The following RORA variants were observed in gnomAD, a reference collection of about 807,000 sequenced individuals.
The protein encoded by RORA is nuclear receptor ROR-alpha.
In RORA, 7 loss-of-function variants were observed where a neutral mutation model predicts 69.5. The observed-to-expected ratio is 0.10, with a 90% CI of 0.06 to 0.19. The LOEUF (loss-of-function observed/expected upper bound fraction) is 0.19, where lower values mean the gene tolerates loss of function less well. Among genes scored for constraint, RORA ranks in the 10% least tolerant of loss-of-function variants. The probability of loss-of-function intolerance (pLI) is 1.00; values close to 1 mark genes in which losing one functional copy is unlikely to be tolerated. For missense variants in RORA, 457 were observed against 663.0 expected (o/e 0.69, Z 3.41); for synonymous variants, 261 against 240.8 (o/e 1.08, Z -0.78).
intron 2 of RORA, among the ~76,000 whole-genome samples, chr15:60,571,191 C>T (rs2067870476): frequency 1.3e-5 from 2 of 151,814 alleles, no homozygotes. Flanking sequence ...GATGTGCCTC[C>T]CACAGGAGAC....
intron 1 of RORA, among the ~76,000 whole-genome samples, chr15:61,091,589 A>G (rs1472814497): frequency 1.3e-5 from 2 of 152,148 alleles, no homozygotes; most frequent in Non-Finnish European, 2.9e-5. Context: ...GGACTAGATA[A>G]ATTATTCCAC....
intron 2 of RORA, among the ~76,000 whole-genome samples, chr15:60,584,625 A>C (rs1247497862): frequency 6.6e-6 from 1 of 152,242 alleles, no homozygotes; most frequent in Non-Finnish European, 1.5e-5. Context: ...TACCTGAATT[A>C]CCTAGCACAC....
chr15:60,671,864 G>A (rs1274802740), intron 2 of RORA, among the ~76,000 whole-genome samples: 2 of 151,608 alleles, frequency 1.3e-5, no homozygotes, highest in South Asian at 2.1e-4. Flanking sequence ...TGCCTGCCTC[G>A]GCCTCCCAAA....
At chr15:60,560,063 G>T (rs2067485779) in intron 2 of RORA, among the ~76,000 whole-genome samples, 2 of 151,796 alleles carry the variant, frequency 1.3e-5, no homozygotes, top group South Asian at 4.2e-4. Flanking sequence ...ACCAATCATT[G>T]TAGCCCATAC....
At chr15:61,178,809 T>C (rs1323113977) in intron 1 of RORA, among the ~76,000 whole-genome samples, 1 of 152,128 alleles carries the variant, frequency 6.6e-6, no homozygotes, top group Non-Finnish European at 1.5e-5. Context: ...GAGACAACTG[T>C]TAAATGGAAA....
chr15:61,188,471 C>G (rs144052161), intron 1 of RORA, among the ~76,000 whole-genome samples: 46 of 152,246 alleles, frequency 3.0e-4, no homozygotes, highest in African/African-American at 1.1e-3. Context: ...TTCTGCAAAA[C>G]TGGAGGGAAT....
intron 1 of RORA, among the ~76,000 whole-genome samples, chr15:61,192,666 A>G (rs2079811422): frequency 6.6e-6 from 1 of 152,224 alleles, no homozygotes; most frequent in South Asian, 2.1e-4. Context: ...GCAATGAATA[A>G]TGATTTATGG....
intron 2 of RORA, among the ~76,000 whole-genome samples, chr15:60,668,245 G>A (rs1365879845): frequency 6.6e-6 from 1 of 152,150 alleles, no homozygotes; most frequent in African/African-American, 2.4e-5. Flanking sequence ...AATGTTTGAA[G>A]CGACATAATC....
At position 60,561,174 on chromosome 15, in the gene RORA, C is replaced by T. The variant is rs933713917; in HGVS notation, c.197-29323G>A. On this transcript the variant is annotated intron_variant, in intron 2 of 10. Coordinates refer to ENST00000335670, the MANE Select transcript of RORA (RefSeq NM_134261.3). ...TCGGCTCACTGCAAGCGCCGCCTCC[C>T]GGGTTCACGCCATTCTCCTGCCTCA... Among the ~76,000 whole-genome samples, 18 of 151,324 alleles carry T rather than the reference C, an allele frequency of 1.2e-4. No individual in the cohort carries two copies. The South Asian group carries it at 1.3e-3, about 11-fold the overall frequency.
intron 2 of RORA, among the ~76,000 whole-genome samples, chr15:60,584,899 C>A (rs2068288081): frequency 6.6e-6 from 1 of 152,188 alleles, no homozygotes; most frequent in South Asian, 2.1e-4. Context: ...CACTTCTGAA[C>A]CACTGCCTTA....
intron 1 of RORA, among the ~76,000 whole-genome samples, chr15:60,943,914 T>C (rs1305208002): frequency 1.0e-3 from 6 of 5,850 alleles, no homozygotes; most frequent in Non-Finnish European, 3.5e-3. Flanking sequence ...AGACTCCATC[T>C]CCAAAAAAAA....
intron 1 of RORA, among the ~76,000 whole-genome samples, chr15:61,097,119 G>C (rs768236861): frequency 8.5e-5 from 13 of 152,182 alleles, no homozygotes; most frequent in Non-Finnish European, 1.9e-4. Context: ...CAAACAAGAG[G>C]GGGAGTGTTT....
chr15:61,061,291 T>C lies in RORA; in HGVS notation c.166+167762A>G, dbSNP rs2078180250. ...TGGCATGAGCTCGGGAGGCAGAGCT[T>C]GCAGTGAGCCGAGGTTGTGCCACTG... is the stretch of plus-strand genomic sequence containing the variant. On this transcript the variant is annotated intron_variant, in intron 1 of 10. Coordinates refer to ENST00000335670, the MANE Select transcript of RORA (RefSeq NM_134261.3). This position sits in a 1 kb window ranked among gnomAD's most constrained non-coding sequence, Gnocchi z 4.4. Among the ~76,000 whole-genome samples, 1 of 151,902 alleles carries C rather than the reference T, an allele frequency of 6.6e-6. No homozygotes were observed. Among genetic ancestry groups the C allele is most frequent in the African/African-American group, 2.4e-5 (1 of 41,308 alleles).
rs1343866553 is a variant in RORA at position 60,531,016 on chromosome 15, A to AATAATTTTGC, written c.282+749_282+750insGCAAAATTAT. The AATAATTTTGC allele has an allele frequency of 3.9e-5, 6 of 152,248 alleles. No individual in the cohort carries two copies. The highest frequency in any genetic ancestry group is 1.4e-4 in the African/African-American group (6 of 41,474). The allele number at this position is 152,248 out of a possible 1,614,324, so 9.4% of individuals were successfully genotyped here. A position where few individuals can be genotyped will look rare whatever the true frequency, so the allele number is the denominator to read the frequency against. The stretch of plus-strand genomic sequence containing the variant: ...GGGGTCTTGAATTATTGGGATAAAC[A>AATAATTTTGC]TCTCTGTTTCTCATCTGCACATTAT... On this transcript the variant is annotated intron_variant, in intron 3 of 10. Transcript: ENST00000335670. This position sits in a 1 kb window ranked among gnomAD's most constrained non-coding sequence, Gnocchi z 4.8.
At chr15:60,611,863 C>G (rs1029276339) in intron 2 of RORA, among the ~76,000 whole-genome samples, 1 of 152,208 alleles carries the variant, frequency 6.6e-6, no homozygotes, top group Non-Finnish European at 1.5e-5. Flanking sequence ...CACTAGCTGC[C>G]ACTTCAGAAT....
intron 1 of RORA, among the ~76,000 whole-genome samples, chr15:60,959,041 A>C (rs1893346087): frequency 6.6e-6 from 1 of 152,176 alleles, no homozygotes; most frequent in African/African-American, 2.4e-5. Context: ...CACCTATTAA[A>C]GTTGTACCTG....
intron 1 of RORA, among the ~76,000 whole-genome samples, chr15:60,977,431 C>T (rs979245211): frequency 2.6e-5 from 4 of 151,588 alleles, no homozygotes; most frequent in Non-Finnish European, 2.9e-5. Flanking sequence ...AAATGCTTTC[C>T]TATGAAAAGA....
chr15:61,139,529 T>C (rs2079278028), intron 1 of RORA, among the ~76,000 whole-genome samples: 1 of 152,162 alleles, frequency 6.6e-6, no homozygotes, highest in African/African-American at 2.4e-5. Context: ...GATTTGCAGG[T>C]GAGAAAATGT....
In RORA at chr15:61,096,335, C is replaced by A. The variant is rs912400133; in HGVS notation, c.166+132718G>T. Among the ~76,000 whole-genome samples the A allele has an allele frequency of 3.4e-4, 52 of 152,242 alleles. 1 individual carries two copies. The highest frequency in any genetic ancestry group is 1.1e-3 in the African/African-American group (45 of 41,554). On this transcript the variant is annotated intron_variant, in intron 1 of 10. Transcript: ENST00000335670. ...AGTTCACAAGCAGTGCAGCATGGGG[C>A]AAATCCAATGACATTTTGTTCCTTC...
Sources: allele counts gnomAD v4.1 joint callset (sites outside exome capture counted in the v4.1 genomes callset), GRCh38; gene constraint gnomAD v4.1.1; non-coding constraint Gnocchi (gnomAD v3.1); transcripts MANE v1.5; gene names NCBI Gene and HGNC (gene_info 2026-07-23, HGNC 2026-07-21).